NOVA1: variants seen among roughly 807,000 people sequenced by gnomAD.
NOVA1 encodes NOVA alternative splicing regulator 1.
NOVA1 carries 7 observed loss-of-function variants against 38.0 expected under a neutral mutation model. The observed-to-expected ratio is 0.18, with a 90% CI of 0.10 to 0.35. The LOEUF is 0.35. NOVA1 is among the 10% of genes least tolerant of loss of function. The pLI, the probability that NOVA1 is intolerant of heterozygous loss-of-function variation, is 1.00. For missense variants in NOVA1, 460 were observed against 616.0 expected (o/e 0.75, Z 2.68); for synonymous variants, 270 against 232.5 (o/e 1.16, Z -1.47).
intron 2 of NOVA1, among the ~76,000 whole-genome samples, chr14:26,576,996 A>C (rs1216970504): frequency 6.6e-6 from 1 of 151,766 alleles, no homozygotes; most frequent in Non-Finnish European, 1.5e-5. Flanking sequence ...GTACCTTTTG[A>C]CCTACTCTTC....
At chr14:26,513,688 A>T (rs1888260232) in intron 2 of NOVA1, among the ~76,000 whole-genome samples, 1 of 149,790 alleles carries the variant, frequency 6.7e-6, no homozygotes, top group Non-Finnish European at 1.5e-5. Context: ...ATTTTATTTA[A>T]TAAAAAAACA....
chr14:26,577,886 G>C (rs1892961995), intron 2 of NOVA1, among the ~76,000 whole-genome samples: 1 of 151,680 alleles, frequency 6.6e-6, no homozygotes, highest in Non-Finnish European at 1.5e-5. Flanking sequence ...GTCCACAATG[G>C]ACACAAACAT....
intron 2 of NOVA1, among the ~76,000 whole-genome samples, chr14:26,569,597 T>C (rs1467488267): frequency 1.3e-5 from 2 of 152,348 alleles, no homozygotes; most frequent in East Asian, 3.9e-4. Context: ...ACTTGCTTTA[T>C]CTAGAAAATT....
At chr14:26,577,288 G>C (rs370999922) in intron 2 of NOVA1, among the ~76,000 whole-genome samples, 1 of 151,952 alleles carries the variant, frequency 6.6e-6, no homozygotes, top group Non-Finnish European at 1.5e-5. Flanking sequence ...TACTATAATG[G>C]ATATATCGAT....
In NOVA1 at chr14:26,480,024, T is replaced by C. The variant is rs1158933177; in HGVS notation, c.400A>G (p.Ser134Gly). 6.2e-7 allele frequency: 1 copy of C among 1,614,104 alleles called. No individual in the cohort carries two copies. Among genetic ancestry groups the C allele is most frequent in the Non-Finnish European group, 8.5e-7 (1 of 1,179,992 alleles). The change falls in exon 3 of 5, where the codon AGC (serine) becomes GGC (glycine). Residue 134 changes from serine (S) to glycine (G), a missense_variant. Ser to Gly is a moderately conservative substitution (Grantham distance 56). Coordinates refer to ENST00000539517, the MANE Select transcript of NOVA1 (RefSeq NM_002515.3). ...ACGGTGGTCTGGGGTTGTAGAATGC[T>C]GACTGGTTCTGTCTTGGCCACATTT... ...PQNVAKTEPV[S>G]ILQPQTTVNP...
At chr14:26,495,787 A>C (rs1481674383) in intron 2 of NOVA1, among the ~76,000 whole-genome samples, 4 of 145,364 alleles carry the variant, frequency 2.8e-5, no homozygotes, top group Non-Finnish European at 3.0e-5. Context: ...GAGAATGATG[A>C]TTTCCAATTT....
intron 4 of NOVA1, among the ~76,000 whole-genome samples, chr14:26,457,214 C>T (rs900015871): frequency 2.0e-5 from 3 of 152,040 alleles, no homozygotes; most frequent in African/African-American, 7.2e-5. Context: ...AATTTTGGCA[C>T]ATTTCTGGAA....
At chr14:26,490,090 G>C (rs1455321539) in intron 2 of NOVA1, among the ~76,000 whole-genome samples, 2 of 151,732 alleles carry the variant, frequency 1.3e-5, no homozygotes, top group Non-Finnish European at 2.9e-5. Context: ...TAGATATTTC[G>C]TATAAATGGA....
chr14:26,465,068 T>C (rs895705243), intron 4 of NOVA1, among the ~76,000 whole-genome samples: 4 of 152,164 alleles, frequency 2.6e-5, no homozygotes, highest in Non-Finnish European at 5.9e-5. Context: ...CATTAAAAAA[T>C]GGATGTCACG....
At chr14:26,570,794 T>G (rs1566546779) in intron 2 of NOVA1, among the ~76,000 whole-genome samples, 1 of 152,116 alleles carries the variant, frequency 6.6e-6, no homozygotes, top group Non-Finnish European at 1.5e-5. Flanking sequence ...TTCCATAAAT[T>G]TTATATTACA....
rs555521633 is a variant in NOVA1, at chr14:26,443,443, G to T, written c.*4516C>A. 6.6e-6 allele frequency: 1 copy of T among 151,756 alleles called. No individual in the cohort carries two copies. The highest frequency in any genetic ancestry group is 1.5e-5 in the Non-Finnish European group (1 of 67,822). 9.4% of individuals were successfully genotyped at this position (151,756 alleles called of 1,614,324 possible). ...TACAAGGTAATGCTTCAATTTTCAAGAACAGTTTTTTTTGTTTATATAGAC... is the reference window on the plus strand; with the variant it reads ...TACAAGGTAATGCTTCAATTTTCAATAACAGTTTTTTTTGTTTATATAGAC... On this transcript the variant is annotated 3_prime_UTR_variant, in exon 5 of 5. Transcript: ENST00000539517.
chr14:26,477,252 G>A (rs1885062303), intron 3 of NOVA1, among the ~76,000 whole-genome samples: 1 of 152,022 alleles, frequency 6.6e-6, no homozygotes, highest in African/African-American at 2.4e-5. Flanking sequence ...CATGACGACA[G>A]TAAAACTCTT....
intron 2 of NOVA1, among the ~76,000 whole-genome samples, chr14:26,518,563 G>A (rs887202181): frequency 3.3e-5 from 5 of 151,990 alleles, no homozygotes; most frequent in African/African-American, 4.8e-5. Flanking sequence ...GAGGTATAGT[G>A]TGATGCTTCA....
At chr14:26,463,765 G>A (rs1425153418) in intron 4 of NOVA1, among the ~76,000 whole-genome samples, 1 of 152,120 alleles carries the variant, frequency 6.6e-6, no homozygotes, top group East Asian at 1.9e-4. Context: ...TAGTCTTACA[G>A]TTTCAATCTT....
intron 2 of NOVA1, among the ~76,000 whole-genome samples, chr14:26,579,291 C>T (rs1162091468): frequency 6.6e-6 from 1 of 152,032 alleles, no homozygotes; most frequent in Non-Finnish European, 1.5e-5. Flanking sequence ...CTGTTGACCT[C>T]GTGATCTGCC....
chr14:26,578,479 GATGGA>G (rs1398079545), intron 2 of NOVA1, among the ~76,000 whole-genome samples: 1 of 152,084 alleles, frequency 6.6e-6, no homozygotes, highest in East Asian at 1.9e-4. Flanking sequence ...AAGTAGGTAA[GATGGA>G]ATGGAATGGA....
chr14:26,580,797 A>G (rs1893167918), intron 2 of NOVA1, among the ~76,000 whole-genome samples: 1 of 151,984 alleles, frequency 6.6e-6, no homozygotes, highest in Non-Finnish European at 1.5e-5. Context: ...TATCACCTGC[A>G]TTTTTACAAC....
intron 2 of NOVA1, among the ~76,000 whole-genome samples, chr14:26,567,096 CTG>C (rs1212982173): frequency 6.6e-6 from 1 of 152,118 alleles, no homozygotes; most frequent in African/African-American, 2.4e-5. Flanking sequence ...TCCCTAAAAA[CTG>C]TGCAAAATGA....
At chr14:26,504,621 A>T (rs971548795) in intron 2 of NOVA1, among the ~76,000 whole-genome samples, 17 of 152,256 alleles carry the variant, frequency 1.1e-4, no homozygotes, top group African/African-American at 3.9e-4. Flanking sequence ...GTAAAATCTT[A>T]CCTATGCTAT....
Sources: allele counts gnomAD v4.1 joint callset (sites outside exome capture counted in the v4.1 genomes callset), GRCh38; gene constraint gnomAD v4.1.1; transcripts MANE v1.5; gene names NCBI Gene and HGNC (gene_info 2026-07-23, HGNC 2026-07-21).